The following SMARCD1 variants were observed in gnomAD, a reference collection of about 807,000 sequenced individuals.
SMARCD1 encodes SWI/SNF-related matrix-associated actin-dependent regulator of chromatin subfamily D member 1.
In SMARCD1, 16 loss-of-function variants were observed where a neutral mutation model predicts 70.8. That is an observed-to-expected ratio of 0.23 (90% CI 0.15 to 0.34). The LOEUF (loss-of-function observed/expected upper bound fraction) is 0.34, where lower values mean the gene tolerates loss of function less well. SMARCD1 is among the 10% of genes least tolerant of loss of function. The probability of loss-of-function intolerance (pLI) is 1.00; values close to 1 mark genes in which losing one functional copy is unlikely to be tolerated. For missense variants in SMARCD1, 409 were observed against 655.5 expected, an observed-to-expected ratio of 0.62 and a Z score of 4.11; for synonymous variants, 249 against 246.0, an observed-to-expected ratio of 1.01 and a Z score of -0.11.
In SMARCD1 at chr12:50,087,401, C is replaced by G. The variant is rs773237567; in HGVS notation, c.570C>G (p.Phe190Leu). 1 of 1,614,152 alleles carries G rather than the reference C, an allele frequency of 6.2e-7. No individual in the cohort carries two copies. Among genetic ancestry groups the G allele is most frequent in the Non-Finnish European group, 8.5e-7 (1 of 1,180,000 alleles). ...TGCGAATTTTCATTTCTAACACTTT[C>G]AATCCGGCTAAGTCAGATGCCGAGG... is the stretch of plus-strand genomic sequence containing the variant. ...RKLRIFISNT[F>L]NPAKSDAEDG... Residue 190 changes from phenylalanine to leucine, a missense_variant, in exon 5 of 13, where the codon TTC becomes TTG. Transcript: ENST00000394963.
rs11443542 is a variant in SMARCD1 at position 50,090,821 on chromosome 12, C to CTTTTTTTTTTTTTTT, written c.1133+237_1133+251dup. 2.9e-5 allele frequency among the ~76,000 whole-genome samples: 3 copies of CTTTTTTTTTTTTTTT among 102,438 alleles called. 1 individual carries two copies. The highest frequency in any genetic ancestry group is 4.0e-5 in the African/African-American group (1 of 25,232). 67.2% of individuals were successfully genotyped at this position (102,438 alleles called of 152,430 possible). ...ATTATTACATTTTATTGTATTTGTG[C>CTTTTTTTTTTTTTTT]TTTTTTTTTTTTTTTTTTTTGGAGA... On this transcript the variant is annotated intron_variant, in intron 9 of 12. Transcript: ENST00000394963.
rs770779782 is a variant in SMARCD1 at position 50,094,615 on chromosome 12, A to G, written c.1269+43A>G. 16 of 1,590,850 alleles carry G rather than the reference A, an allele frequency of 1.0e-5. No individual in the cohort carries two copies. The East Asian group carries it at 2.5e-4, about 24-fold the overall frequency. The stretch of plus-strand genomic sequence containing the variant: ...GGATAGTTGGGTACCACCAGCCCCT[A>G]TCACAGCTTCAAGGCCTCCTTTTGA... On this transcript the variant is annotated intron_variant, in intron 10 of 12. Transcript: ENST00000394963.
chr12:50,095,835 G>A (rs1014034663), intron 10 of SMARCD1, among the ~76,000 whole-genome samples: 13 of 152,318 alleles, frequency 8.5e-5, no homozygotes, highest in African/African-American at 2.9e-4. Flanking sequence ...GGGATGTTTT[G>A]GGAAGGAAAG....
In SMARCD1 at chr12:50,086,783, G is replaced by T. The variant is rs141789236; in HGVS notation, c.436G>T (p.Ala146Ser). 6.2e-7 allele frequency: 1 copy of T among 1,613,926 alleles called. No individual in the cohort carries two copies. The highest frequency in any genetic ancestry group is 8.5e-7 in the Non-Finnish European group (1 of 1,179,998). The change falls in exon 4 of 13, where the codon GCC becomes TCC. Residue 146 changes from alanine (A) to serine (S), a missense_variant. By Grantham distance (99) the Ala-to-Ser change is moderately conservative. This residue lies in a region of SMARCD1 where 269 missense variants were observed against 498.6 expected (regional missense o/e 0.54). Coordinates refer to ENST00000394963, the MANE Select transcript of SMARCD1 (RefSeq NM_003076.5). The part of the protein sequence containing the change: ...RIRELVPESQ[A>S]YMDLLAFERK... ...TCGTGAACTGGTACCAGAATCCCAGGCCTATATGGATCTCTTGGCTTTTGA... is the reference window on the plus strand; with the variant it reads ...TCGTGAACTGGTACCAGAATCCCAGTCCTATATGGATCTCTTGGCTTTTGA...
At chr12:50,090,621 C>A in intron 9 of SMARCD1, 31 bp downstream of exon 9, 2 of 1,529,636 alleles carry the variant, frequency 1.3e-6, no homozygotes, top group Non-Finnish European at 1.8e-6. Flanking sequence ...CAGTGCTGTG[C>A]CGGAGCTGCC....
intron 11 of SMARCD1, among the ~76,000 whole-genome samples, chr12:50,098,269 A>G (rs1950910099): frequency 6.6e-6 from 1 of 152,192 alleles, no homozygotes; most frequent in Admixed American, 6.5e-5. Flanking sequence ...GGCAGTTTCA[A>G]ACAACAGGCT....
Position 50,100,101 on chromosome 12 carries a change from TAGC to T in SMARCD1, c.*1107_*1109del, listed in dbSNP as rs1330223750. On this transcript the variant is annotated 3_prime_UTR_variant, in exon 13 of 13. Transcript: ENST00000394963. ...CCCTCAAAGCTTCAGACCCCTCAGGTAGCAGCAGGACCTTGTGATCTTGGCCCC... is the reference window on the plus strand; with the variant it reads ...CCCTCAAAGCTTCAGACCCCTCAGGTAGCAGGACCTTGTGATCTTGGCCCC... 1 of 152,662 alleles carries T rather than the reference TAGC, an allele frequency of 6.6e-6. No individual in the cohort carries two copies. The highest frequency in any genetic ancestry group is 2.4e-5 in the African/African-American group (1 of 41,412). The allele number at this position is 152,662 out of a possible 1,614,324, so 9.5% of individuals were successfully genotyped here.
intron 11 of SMARCD1, 35 bp downstream of exon 11, chr12:50,097,007 G>A (rs1950898740): frequency 6.3e-7 from 1 of 1,578,326 alleles, no homozygotes; most frequent in Non-Finnish European, 8.6e-7. Context: ...AGGGACTTAG[G>A]TCAGTGAGGT....
In SMARCD1 at chr12:50,099,004, C is replaced by T. The variant is rs1442175014; in HGVS notation, c.*4C>T. 6.2e-7 allele frequency: 1 copy of T among 1,613,448 alleles called. No individual in the cohort carries two copies. Among genetic ancestry groups the T allele is most frequent in the Non-Finnish European group, 8.5e-7 (1 of 1,179,382 alleles). On this transcript the variant is annotated 3_prime_UTR_variant, in exon 13 of 13. Transcript: ENST00000394963. ...CCTGGGAATCCGGAATACATAGGGC[C>T]TCTCCCACAGCCCTGATTCGACTGC...
chr12:50,095,484 G>A (rs1210647481), intron 10 of SMARCD1, among the ~76,000 whole-genome samples: 1 of 151,948 alleles, frequency 6.6e-6, no homozygotes, highest in Admixed American at 6.6e-5. Flanking sequence ...CTGCCACTAC[G>A]CCCGGCTAAT....
At chr12:50,087,055 G>A in intron 4 of SMARCD1, 177 bp downstream of exon 4, 1 of 707,262 alleles carries the variant, frequency 1.4e-6, no homozygotes, top group Non-Finnish European at 2.3e-6. Context: ...ATGGCAAAGG[G>A]GGAGGGGCTC....
intron 9 of SMARCD1, among the ~76,000 whole-genome samples, chr12:50,092,246 T>C (rs1312880468): frequency 7.0e-6 from 1 of 142,050 alleles, no homozygotes; most frequent in Non-Finnish European, 1.5e-5. Flanking sequence ...TTTTTTTTTT[T>C]TTTTTTTTTT....
In SMARCD1 at chr12:50,086,226, TG is replaced by T; in HGVS notation, c.249del (p.Asn84ThrfsTer79). ...GACCTTCCATGGGACCCCCTGGCTA[TG>T]GGGGGAACCCTTCAGTCCGACCTGG... ...QGPSMGPPGY[G>X]GNPSVRPGLA... is the part of the protein sequence containing the mutation. On this transcript the variant is annotated frameshift_variant, in exon 2 of 13. Transcript: ENST00000394963. LOFTEE classifies it high-confidence loss of function. 6.2e-7 allele frequency: 1 copy of T among 1,610,512 alleles called. No homozygotes were observed. The highest frequency in any genetic ancestry group is 8.5e-7 in the Non-Finnish European group (1 of 1,177,852).
chr12:50,099,286 G>A lies in SMARCD1; in HGVS notation c.*286G>A. On this transcript the variant is annotated 3_prime_UTR_variant, in exon 13 of 13. Coordinates refer to ENST00000394963, the MANE Select transcript of SMARCD1 (RefSeq NM_003076.5). Reference sequence around the variant, plus strand: ...GATAGTGTTAGAGAGAGAACATGTAGTGGTAATGAGTGCTTGGAATGGATT... The same window carrying A: ...GATAGTGTTAGAGAGAGAACATGTAATGGTAATGAGTGCTTGGAATGGATT... 3.6e-6 allele frequency: 2 copies of A among 558,640 alleles called. No homozygotes were observed. 34.6% of individuals were successfully genotyped at this position (558,640 alleles called of 1,614,324 possible).
At chr12:50,088,845 C>G (rs1168780236) in intron 6 of SMARCD1, 5 of 343,990 alleles carry the variant, frequency 1.5e-5, no homozygotes, top group Non-Finnish European at 2.6e-5. Flanking sequence ...CTAACTTGTC[C>G]CATCTTTTTA....
chr12:50,090,030 A>G, intron 7 of SMARCD1, 45 bp downstream of exon 7: 2 of 1,496,582 alleles, frequency 1.3e-6, no homozygotes, highest in Non-Finnish European at 1.9e-6. Context: ...ACAGCCACAT[A>G]CCGTCAGCAG....
At chr12:50,095,249 C>T (rs1046085924) in intron 10 of SMARCD1, among the ~76,000 whole-genome samples, 2 of 152,120 alleles carry the variant, frequency 1.3e-5, no homozygotes, top group African/African-American at 2.4e-5. Context: ...GCAGTCCTTG[C>T]AAATAAAGCC....
chr12:50,097,099 C>T (rs1239736682), intron 11 of SMARCD1, 127 bp downstream of exon 11: 14 of 872,530 alleles, frequency 1.6e-5, no homozygotes, highest in Non-Finnish European at 2.2e-5. Flanking sequence ...TAGCATGTTC[C>T]AGGGTCCATT....
At chr12:50,098,096 C>T (rs973098984) in intron 11 of SMARCD1, among the ~76,000 whole-genome samples, 1 of 151,980 alleles carries the variant, frequency 6.6e-6, no homozygotes, top group Admixed American at 6.6e-5. Flanking sequence ...CCGTTGTCAC[C>T]CCTCCTGTGC....
Sources: allele counts gnomAD v4.1 joint callset (sites outside exome capture counted in the v4.1 genomes callset), GRCh38; gene constraint gnomAD v4.1.1; regional missense constraint gnomAD v4.1.1; transcripts MANE v1.5; gene names NCBI Gene and HGNC (gene_info 2026-07-23, HGNC 2026-07-21).